The following MAPKAPK3 variants were observed in gnomAD, a reference collection of about 807,000 sequenced individuals.
The protein encoded by MAPKAPK3 is MAP kinase-activated protein kinase 3.
A neutral mutation model predicts 49.2 loss-of-function variants in MAPKAPK3; 35 were observed. The ratio of observed to expected loss-of-function variants is 0.71; its 90% confidence interval spans 0.54 to 0.94. MAPKAPK3 has a LOEUF of 0.94. Among genes scored for constraint, MAPKAPK3 ranks in the 40% least tolerant of loss-of-function variants. The pLI is 0.00. For missense variants in MAPKAPK3, 398 were observed against 493.1 expected (o/e 0.81, Z 1.83); for synonymous variants, 178 against 188.7 (o/e 0.94, Z 0.46).
chr3:50,617,595 G>A lies in MAPKAPK3; in HGVS notation c.30G>A (p.Gly10=). Residue 10 remains glycine (G), a synonymous_variant, in exon 2 of 11, where the codon GGG becomes GGA. Coordinates refer to ENST00000621469, the MANE Select transcript of MAPKAPK3 (RefSeq NM_001243925.2). ...ATGGTGAAACAGCAGAGGAGCAGGG[G>A]GGCCCTGTGCCCCCGCCAGTTGCAC... is the stretch of plus-strand genomic sequence containing the variant. The part of the protein sequence containing the change: MDGETAEEQ[G]GPVPPPVAPG... 6.3e-7 allele frequency: 1 copy of A among 1,593,328 alleles called. No homozygotes were observed.
upstream of MAPKAPK3, chr3:50,611,728 C>A (rs2032333382): frequency 7.1e-7 from 1 of 1,418,324 alleles, no homozygotes; most frequent in Middle Eastern, 2.3e-4. Flanking sequence ...GGGCGCGGAG[C>A]GCGTGCTGGG....
upstream of MAPKAPK3, among the ~76,000 whole-genome samples, chr3:50,615,850 G>A (rs1210896260): frequency 6.6e-6 from 1 of 152,238 alleles, no homozygotes; most frequent in Non-Finnish European, 1.5e-5. Flanking sequence ...CACACAGTGG[G>A]TACCCACTAA....
chr3:50,616,559 A>G (rs1397840310), upstream of MAPKAPK3, among the ~76,000 whole-genome samples: 2 of 152,222 alleles, frequency 1.3e-5, no homozygotes, highest in Non-Finnish European at 2.9e-5. Context: ...TCTGGTCCCC[A>G]GGATGCTGTA....
At chr3:50,629,595 A>G (rs2032852333) in intron 2 of MAPKAPK3, among the ~76,000 whole-genome samples, 1 of 152,174 alleles carries the variant, frequency 6.6e-6, no homozygotes, top group African/African-American at 2.4e-5. Flanking sequence ...CCAAGGCCAC[A>G]GGGGAGTTGG....
chr3:50,626,270 G>T (rs750912726), intron 2 of MAPKAPK3, among the ~76,000 whole-genome samples: 1 of 152,198 alleles, frequency 6.6e-6, no homozygotes, highest in Non-Finnish European at 1.5e-5. Context: ...CAGAGCCTTA[G>T]AGCCAGCCAG....
chr3:50,634,431 G>A (rs2032982466), intron 2 of MAPKAPK3, among the ~76,000 whole-genome samples: 2 of 152,116 alleles, frequency 1.3e-5, no homozygotes, highest in African/African-American at 2.4e-5. Flanking sequence ...ACATAGGAGA[G>A]GAATGAGGCA....
At chr3:50,638,990 T>C (rs548577340) in intron 2 of MAPKAPK3, among the ~76,000 whole-genome samples, 1 of 152,378 alleles carries the variant, frequency 6.6e-6, no homozygotes, top group African/African-American at 2.4e-5. Context: ...TTGTCCCTGC[T>C]GTCCCCATTC....
exon 1 of MAPKAPK3, chr3:50,611,930 C>T (rs1390665494): frequency 2.3e-6 from 1 of 436,852 alleles, no homozygotes; most frequent in South Asian, 5.8e-5. Context: ...GGGGCCCGGG[C>T]GGGGTGCGCG....
upstream of MAPKAPK3, chr3:50,611,632 C>T (rs1485407475): frequency 2.0e-6 from 3 of 1,514,356 alleles, no homozygotes; most frequent in South Asian, 1.2e-5. Flanking sequence ...CGCGCTTACC[C>T]CTGAACGCAG....
At chr3:50,621,350 C>T (rs1026677835) in intron 2 of MAPKAPK3, among the ~76,000 whole-genome samples, 6 of 152,074 alleles carry the variant, frequency 3.9e-5, no homozygotes, top group Non-Finnish European at 7.4e-5. Flanking sequence ...AATTCCAGCA[C>T]TTTGGCTGAG....
At chr3:50,630,010 T>A (rs1027206197) in intron 2 of MAPKAPK3, among the ~76,000 whole-genome samples, 1 of 152,176 alleles carries the variant, frequency 6.6e-6, no homozygotes, top group African/African-American at 2.4e-5. Flanking sequence ...CAGGTGGAGG[T>A]TCCCAGCCTG....
At chr3:50,636,279 G>A (rs1196864660) in intron 2 of MAPKAPK3, among the ~76,000 whole-genome samples, 1 of 152,232 alleles carries the variant, frequency 6.6e-6, no homozygotes, top group Non-Finnish European at 1.5e-5. Flanking sequence ...CATGTGATTT[G>A]GGGCCAGTTA....
intron 2 of MAPKAPK3, among the ~76,000 whole-genome samples, chr3:50,633,819 A>G (rs2032971294): frequency 2.6e-5 from 4 of 152,190 alleles, no homozygotes; most frequent in Admixed American, 2.6e-4. Context: ...TAAACTGCAA[A>G]TTGTTTTCCA....
In MAPKAPK3 at chr3:50,621,546, C is replaced by T. The variant is rs188146809; in HGVS notation, c.219+3762C>T. ...CTGGGAGGCGGAGGTTGCAGTGAGC[C>T]GAGATCACGCCACTGCACTCCAGCC... On this transcript the variant is annotated intron_variant, in intron 2 of 10. Coordinates refer to ENST00000621469, the MANE Select transcript of MAPKAPK3 (RefSeq NM_001243925.2). 7.5e-4 allele frequency among the ~76,000 whole-genome samples: 110 copies of T among 146,900 alleles called. 2 individuals carry two copies. Among genetic ancestry groups the T allele is most frequent in the African/African-American group, 2.0e-3 (80 of 39,422 alleles).
rs1338275124 is a variant in MAPKAPK3, at chr3:50,617,690, A to G, written c.125A>G (p.Asp42Gly). 1 of 1,613,524 alleles carries G rather than the reference A, an allele frequency of 6.2e-7. No individual in the cohort carries two copies. The highest frequency in any genetic ancestry group is 1.7e-5 in the Admixed American group (1 of 60,022). The change falls in exon 2 of 11, where the codon GAC becomes GGC. Residue 42 changes from aspartate to glycine, a missense_variant. By Grantham distance (94) the Asp-to-Gly change is moderately conservative. Transcript: ENST00000621469. ...REPKKYAVTD[D>G]YQLSKQVLGL... ...CCCAAGAAGTACGCAGTGACCGACGACTACCAGTTGTCCAAGCAGGTGCTG... is the reference window on the plus strand; with the variant it reads ...CCCAAGAAGTACGCAGTGACCGACGGCTACCAGTTGTCCAAGCAGGTGCTG...
At chr3:50,624,522 C>T (rs2032687450) in intron 2 of MAPKAPK3, among the ~76,000 whole-genome samples, 2 of 152,004 alleles carry the variant, frequency 1.3e-5, no homozygotes, top group East Asian at 3.9e-4. Context: ...GGGTAGAGCA[C>T]CATTGCTGAG....
At position 50,646,164 on chromosome 3, in the gene MAPKAPK3, C is replaced by A. The variant is rs758133512; in HGVS notation, c.729C>A (p.Tyr243Ter). Residue 243 changes from tyrosine to a stop codon, truncating the protein, a stop_gained, in exon 8 of 11, where the codon TAC (tyrosine) becomes TAA (stop). Coordinates refer to ENST00000621469, the MANE Select transcript of MAPKAPK3 (RefSeq NM_001243925.2). LOFTEE classifies it high-confidence loss of function. Reference protein sequence around the residue: ...YILLCGFPPFYSNTGQAISPG... With the variant: ...YILLCGFPPF ...GCCTTTGTGGCTTCCCACCCTTCTA[C>A]TCCAACACGGGCCAGGCCATCTCCC... is the stretch of plus-strand genomic sequence containing the variant. 4.3e-6 allele frequency: 7 copies of A among 1,614,134 alleles called. No individual in the cohort carries two copies. The highest frequency in any genetic ancestry group is 3.3e-5 in the South Asian group (3 of 91,074).
At chr3:50,611,895 T>C (rs999270829), upstream of MAPKAPK3, 16 of 507,080 alleles carry the variant, frequency 3.2e-5, no homozygotes, top group Non-Finnish European at 5.2e-5. Context: ...AAGCAGCGTC[T>C]TCCTAGAACC....
chr3:50,616,239 C>G (rs866654764), upstream of MAPKAPK3, among the ~76,000 whole-genome samples: 6 of 152,138 alleles, frequency 3.9e-5, no homozygotes, highest in South Asian at 8.3e-4. Context: ...TAGTTCAGAT[C>G]TGTCCCAGAA....
Sources: gnomAD v4.1 joint callset for allele counts (sites outside exome capture counted in the v4.1 genomes callset) on GRCh38, gnomAD v4.1.1 for gene constraint, MANE v1.5 for transcripts, NCBI Gene and HGNC (gene_info 2026-07-23, HGNC 2026-07-21) for gene names.